The following MACROD2 variants were observed in gnomAD, a reference collection of about 807,000 sequenced individuals.
MACROD2 encodes ADP-ribose glycohydrolase MACROD2.
Under a neutral mutation model 70.4 loss-of-function variants are expected in MACROD2, and 36 were observed. That is an observed-to-expected ratio of 0.51 (90% CI 0.39 to 0.68). The LOEUF (loss-of-function observed/expected upper bound fraction) is 0.68. MACROD2 is among the 30% of genes least tolerant of loss of function. The pLI, the probability that MACROD2 is intolerant of heterozygous loss-of-function variation, is 0.00. For missense variants in MACROD2, 496 were observed against 538.4 expected, an observed-to-expected ratio of 0.92 and a Z score of 0.78; for synonymous variants, 172 against 178.8, an observed-to-expected ratio of 0.96 and a Z score of 0.30.
rs17700584 is a variant in MACROD2, at chr20:15,215,067, A to G, written c.419-14873A>G. On this transcript the variant is annotated intron_variant, in intron 5 of 17. Transcript: ENST00000684519. ...AAAAACAACTCTTCAAAACTGAACTATAGTTTTCTGGCAAATGTGTAAATC... is the reference window on the plus strand; with the variant it reads ...AAAAACAACTCTTCAAAACTGAACTGTAGTTTTCTGGCAAATGTGTAAATC... Among the ~76,000 whole-genome samples, 1,507 of 152,310 alleles carry G rather than the reference A, an allele frequency of 9.9e-3. 13 individuals are homozygous for G. Among genetic ancestry groups the G allele is most frequent in the Non-Finnish European group, 0.015 (1,030 of 68,020 alleles).
chr20:15,962,976 CAA>C, intron 12 of MACROD2, among the ~76,000 whole-genome samples: 1 of 152,228 alleles, frequency 6.6e-6, no homozygotes, highest in Non-Finnish European at 1.5e-5. Flanking sequence ...GTAGCCGCTG[CAA>C]AGTTTCAGTA....
At chr20:15,266,736 TC>T (rs2077298185) in intron 6 of MACROD2, among the ~76,000 whole-genome samples, 1 of 152,222 alleles carries the variant, frequency 6.6e-6, no homozygotes, top group Non-Finnish European at 1.5e-5. Flanking sequence ...TTTCAAGACC[TC>T]CCATGAATTG....
At chr20:14,496,348 C>A (rs1012449583) in intron 4 of MACROD2, among the ~76,000 whole-genome samples, 2 of 152,090 alleles carry the variant, frequency 1.3e-5, no homozygotes, top group African/African-American at 2.4e-5. Flanking sequence ...GAGGGCTTCC[C>A]CCATATTCTA....
At chr20:15,109,736 G>A (rs2075940264) in intron 5 of MACROD2, among the ~76,000 whole-genome samples, 1 of 152,124 alleles carries the variant, frequency 6.6e-6, no homozygotes, top group African/African-American at 2.4e-5. Context: ...CCTGTTGAAT[G>A]CGCTCAGGAA....
intron 8 of MACROD2, among the ~76,000 whole-genome samples, chr20:15,600,938 C>A (rs2048811417): frequency 6.6e-6 from 1 of 152,210 alleles, no homozygotes. Context: ...GAATATCCTT[C>A]TGGTAATGAA....
chr20:14,887,970 AG>A (rs1336950071), intron 5 of MACROD2: 1 of 152,142 alleles, frequency 6.6e-6, no homozygotes, highest in Admixed American at 6.5e-5. Flanking sequence ...AAGAACAGAG[AG>A]GGAAAACCAG....
At chr20:14,033,314 A>G (rs2053268328) in intron 2 of MACROD2, among the ~76,000 whole-genome samples, 1 of 152,004 alleles carries the variant, frequency 6.6e-6, no homozygotes. Flanking sequence ...CTCTTGTGTC[A>G]GTATGCCACT....
chr20:15,146,016 A>G (rs897748810), intron 5 of MACROD2, among the ~76,000 whole-genome samples: 3 of 152,282 alleles, frequency 2.0e-5, no homozygotes, highest in South Asian at 2.1e-4. Flanking sequence ...AGTACAGATA[A>G]TATAATTTAT....
chr20:14,188,024 G>T (rs567988224), intron 3 of MACROD2, among the ~76,000 whole-genome samples: 1 of 152,112 alleles, frequency 6.6e-6, no homozygotes, highest in South Asian at 2.1e-4. Flanking sequence ...ACTGAATTTG[G>T]TAGTTCATCC....
intron 6 of MACROD2, among the ~76,000 whole-genome samples, chr20:15,416,035 G>A (rs1310049024): frequency 1.3e-5 from 2 of 152,170 alleles, no homozygotes; most frequent in African/African-American, 4.8e-5. Flanking sequence ...TGTGGTTGCT[G>A]GTTGGATTAA....
chr20:15,699,595 G>T (rs978392708), intron 8 of MACROD2, among the ~76,000 whole-genome samples: 1 of 152,114 alleles, frequency 6.6e-6, no homozygotes, highest in Admixed American at 6.5e-5. Flanking sequence ...CAGAGCCGCC[G>T]CTGTGTCCCC....
Position 15,319,137 on chromosome 20 carries a change from C to A in MACROD2, c.540+89076C>A, listed in dbSNP as rs974849511. Among the ~76,000 whole-genome samples the A allele has an allele frequency of 3.3e-5, 5 of 152,064 alleles. No individual in the cohort carries two copies. The East Asian group carries it at 9.6e-4, about 29-fold the overall frequency. ...AAAGTTGCAGGGCACAACATCAATA[C>A]ACACAAATCAGTTGCTTCTATATAC... On this transcript the variant is annotated intron_variant, in intron 6 of 17. Transcript: ENST00000684519.
chr20:15,766,242 C>A (rs2051522316), intron 8 of MACROD2, among the ~76,000 whole-genome samples: 1 of 152,166 alleles, frequency 6.6e-6, no homozygotes, highest in African/African-American at 2.4e-5. Context: ...TGGTTTCCTT[C>A]TCATCATTTA....
At chr20:15,836,714 T>C (rs1172016643) in intron 8 of MACROD2, among the ~76,000 whole-genome samples, 1 of 152,182 alleles carries the variant, frequency 6.6e-6, no homozygotes, top group African/African-American at 2.4e-5. Flanking sequence ...GATGTGTGAG[T>C]GGCTGGTGGA....
chr20:15,918,670 T>G (rs1372800023), intron 10 of MACROD2, among the ~76,000 whole-genome samples: 1 of 152,232 alleles, frequency 6.6e-6, no homozygotes, highest in East Asian at 1.9e-4. Flanking sequence ...TTTATTCTTA[T>G]AAGCAAACTG....
At chr20:14,319,815 C>T (rs190855055) in intron 3 of MACROD2, among the ~76,000 whole-genome samples, 52 of 152,166 alleles carry the variant, frequency 3.4e-4, no homozygotes, top group Admixed American at 5.9e-4. Flanking sequence ...GTGGATTCTT[C>T]TTCTTCCCCT....
chr20:15,579,725 A>T (rs1252176694), intron 8 of MACROD2, among the ~76,000 whole-genome samples: 1 of 152,256 alleles, frequency 6.6e-6, no homozygotes, highest in Non-Finnish European at 1.5e-5. Flanking sequence ...GATTTCATGG[A>T]AGTCACCTAG....
chr20:15,968,255 A>G (rs2066172673), intron 13 of MACROD2, among the ~76,000 whole-genome samples: 1 of 152,192 alleles, frequency 6.6e-6, no homozygotes, highest in Non-Finnish European at 1.5e-5. Context: ...GATTAGCCTT[A>G]ACCTTCTTCT....
intron 6 of MACROD2, among the ~76,000 whole-genome samples, chr20:15,323,752 T>C (rs1392830155): frequency 1.3e-5 from 2 of 152,162 alleles, no homozygotes; most frequent in East Asian, 1.9e-4. Flanking sequence ...TGGAAACTTT[T>C]ATGACTCTAG....
Sources: allele counts gnomAD v4.1 joint callset (sites outside exome capture counted in the v4.1 genomes callset), GRCh38; gene constraint gnomAD v4.1.1; transcripts MANE v1.5; gene names NCBI Gene and HGNC (gene_info 2026-07-23, HGNC 2026-07-21).